The following DMD variants were observed in gnomAD, a reference collection of about 807,000 sequenced individuals.
DMD encodes the protein dystrophin.
Under a neutral mutation model 330.1 loss-of-function variants are expected in DMD, and 63 were observed. That is an observed-to-expected ratio of 0.19 (90% confidence interval 0.16 to 0.24). The LOEUF is 0.24. DMD is among the 10% of genes least tolerant of loss of function. The pLI, the probability that DMD is intolerant of heterozygous loss-of-function variation, is 1.00. For synonymous variants in DMD, 1,223 were observed against 959.8 expected (o/e 1.27, Z -5.07); for missense variants, 3,344 against 2,684.1 (o/e 1.25, Z -5.43).
chrX:32,769,944 A>T lies in DMD; in HGVS notation c.649+39549T>A, dbSNP rs766902049. 2.7e-5 allele frequency among the ~76,000 whole-genome samples: 3 copies of T among 112,104 alleles called. No homozygotes were observed. The South Asian group carries it at 1.1e-3, about 41-fold the overall frequency. On this transcript the variant is annotated intron_variant, in intron 7 of 78. Transcript: ENST00000357033. ...AAAGTTTTTAAAAGATTGAACACAT[A>T]GTCATCACCAATAAACCCTTACTTA...
intron 43 of DMD, among the ~76,000 whole-genome samples, chrX:32,260,903 G>T (rs1437092071): frequency 1.1e-5 from 1 of 93,171 alleles, no homozygotes; most frequent in African/African-American, 3.4e-5. Context: ...TTTTGCTGTA[G>T]AGTTGCATAG....
chrX:32,038,706 C>T lies in DMD; in HGVS notation c.6439-70192G>A, dbSNP rs775275681. On this transcript the variant is annotated intron_variant, in intron 44 of 78. Coordinates refer to ENST00000357033, the MANE Select transcript of DMD (RefSeq NM_004006.3). ...ATTTTGCATGACGACTTCAGGGAAA[C>T]ATGCCAATGAAAAAATCAAGTTAAA... Among the ~76,000 whole-genome samples, 10 of 109,463 alleles carry T rather than the reference C, an allele frequency of 9.1e-5. No homozygotes were observed. The South Asian group carries it at 1.6e-3, about 17-fold the overall frequency.
At chrX:31,654,319 T>C (rs955522056) in intron 54 of DMD, among the ~76,000 whole-genome samples, 33 of 112,079 alleles carry the variant, frequency 2.9e-4, no homozygotes, top group African/African-American at 1.0e-3. Context: ...TAGTGTTTCA[T>C]AGTAAAATGG....
intron 1 of DMD, among the ~76,000 whole-genome samples, chrX:33,278,296 G>GT (rs1164548607): frequency 2.7e-5 from 3 of 111,103 alleles, no homozygotes; most frequent in Non-Finnish European, 5.7e-5. Flanking sequence ...AGTGAGCATA[G>GT]TACCCAATAG....
At chrX:31,272,170 A>G (rs893719920) in intron 62 of DMD, among the ~76,000 whole-genome samples, 1 of 111,830 alleles carries the variant, frequency 8.9e-6, no homozygotes, top group Admixed American at 9.5e-5. Context: ...TTTTCTTTTA[A>G]TAAGATTTCT....
At chrX:33,128,772 A>G (rs2095480124) in intron 1 of DMD, among the ~76,000 whole-genome samples, 1 of 112,258 alleles carries the variant, frequency 8.9e-6, no homozygotes, top group South Asian at 3.6e-4. Flanking sequence ...GGAGAAGAAA[A>G]TAACTCTAAA....
chrX:32,827,774 G>T (rs1361448929), intron 4 of DMD, among the ~76,000 whole-genome samples: 1 of 108,192 alleles, frequency 9.2e-6, no homozygotes, highest in Admixed American at 1.0e-4. Flanking sequence ...CGATTCTCCT[G>T]CCTCAGCCTC....
chrX:33,080,853 C>A (rs1291581060), intron 1 of DMD, among the ~76,000 whole-genome samples: 1 of 111,177 alleles, frequency 9.0e-6, no homozygotes, highest in Non-Finnish European at 1.9e-5. Flanking sequence ...GTCTTTATTG[C>A]CAAAAGATTA....
At chrX:31,778,532 T>C (rs892500687) in intron 50 of DMD, among the ~76,000 whole-genome samples, 27 of 110,092 alleles carry the variant, frequency 2.5e-4, no homozygotes, top group African/African-American at 8.6e-4. Flanking sequence ...TTAATCAAAG[T>C]GTTTCAAAGG....
intron 74 of DMD, among the ~76,000 whole-genome samples, chrX:31,148,099 C>T (rs1375559478): frequency 9.0e-6 from 1 of 111,169 alleles, no homozygotes; most frequent in Admixed American, 9.6e-5. Context: ...TTCTCTCCTC[C>T]CCGCTGCCCT....
At chrX:32,877,505 T>C (rs1026836277) in intron 2 of DMD, among the ~76,000 whole-genome samples, 1 of 112,369 alleles carries the variant, frequency 8.9e-6, no homozygotes, top group African/African-American at 3.2e-5. Context: ...AAGTGCTTAA[T>C]TGGGTCCACG....
In DMD at chrX:32,446,983, G is replaced by A. The variant is rs181254289; in HGVS notation, c.3786+1473C>T. ...GTCTTGAAAAGTTTGTTATTAATAC[G>A]AAAACTTAAGAAAATCCCTTCGGAA... On this transcript the variant is annotated intron_variant, in intron 27 of 78. Transcript: ENST00000357033. 4.9e-3 allele frequency among the ~76,000 whole-genome samples: 538 copies of A among 109,935 alleles called. 3 individuals are homozygous for A. Among genetic ancestry groups the A allele is most frequent in the African/African-American group, 0.016 (499 of 30,439 alleles).
At chrX:32,564,373 T>C (rs1289757491) in intron 16 of DMD, among the ~76,000 whole-genome samples, 1 of 111,818 alleles carries the variant, frequency 8.9e-6, no homozygotes, top group Non-Finnish European at 1.9e-5. Flanking sequence ...AGCAATAATC[T>C]GTGGAAGCAA....
At chrX:31,203,694 C>T (rs9780273) in intron 67 of DMD, among the ~76,000 whole-genome samples, 37 of 111,708 alleles carry the variant, frequency 3.3e-4, no homozygotes, top group African/African-American at 1.1e-3. Flanking sequence ...TTATTTCCTC[C>T]CTTGCTGAAC....
chrX:32,760,672 A>T (rs1366987239), intron 7 of DMD, among the ~76,000 whole-genome samples: 1 of 112,041 alleles, frequency 8.9e-6, no homozygotes, highest in Admixed American at 9.5e-5. Flanking sequence ...TATAATGTTA[A>T]ACATATTCAG....
At chrX:32,975,128 T>C (rs2092502306) in intron 2 of DMD, among the ~76,000 whole-genome samples, 1 of 107,784 alleles carries the variant, frequency 9.3e-6, no homozygotes, top group Non-Finnish European at 1.9e-5. Context: ...TGAAGCATCA[T>C]TTTTTTTTTC....
chrX:32,361,727 A>G (rs1249573642), intron 37 of DMD, among the ~76,000 whole-genome samples: 1 of 111,754 alleles, frequency 8.9e-6, no homozygotes, highest in East Asian at 2.8e-4. Context: ...CTGGTTGCTT[A>G]TATCTATCAA....
rs1396901941 is a variant in DMD, at chrX:32,545,236, C to A, written c.2091G>T (p.Lys697Asn). The change falls in exon 17 of 79, where the codon AAG becomes AAT. Residue 697 changes from lysine to asparagine, a missense_variant. Transcript: ENST00000357033. ...TVTTREQILV[K>N]HAQEELPPPP... The stretch of plus-strand genomic sequence containing the variant: ...GTGGTGGAAGTTCCTCTTGAGCATG[C>A]TTTACCAGGATCTGTTCCCTTGTGG... The A allele has an allele frequency of 1.7e-6, 2 of 1,210,301 alleles. No homozygotes were observed. The highest frequency in any genetic ancestry group is 1.1e-6 in the Non-Finnish European group (1 of 894,264).
At chrX:31,972,923 G>A (rs2054235) in intron 44 of DMD, among the ~76,000 whole-genome samples, 11,864 of 111,010 alleles carry the variant, frequency 0.11, 551 homozygotes, top group Non-Finnish European at 0.14. Flanking sequence ...GAATTCAGGA[G>A]TTTGATATAC....
Sources: gnomAD v4.1 joint callset for allele counts (sites outside exome capture counted in the v4.1 genomes callset) on GRCh38, gnomAD v4.1.1 for gene constraint, MANE v1.5 for transcripts, NCBI Gene and HGNC (gene_info 2026-07-23, HGNC 2026-07-21) for gene names.